Variants in COL24A1 observed in about 807,000 individuals in gnomAD.
The protein encoded by COL24A1 is collagen alpha-1(XXIV) chain.
In COL24A1, 224 loss-of-function variants were observed where a neutral mutation model predicts 253.9. That is an observed-to-expected ratio of 0.88 (90% CI 0.79 to 0.99). COL24A1 has a LOEUF of 0.99. Ranked by LOEUF, COL24A1 falls within the 50% of genes least tolerant of loss-of-function variation. The probability of loss-of-function intolerance (pLI) is 0.00; values close to 1 mark genes in which losing one functional copy is unlikely to be tolerated. For synonymous variants in COL24A1, 685 were observed against 673.7 expected (o/e 1.02, Z -0.26); for missense variants, 2,131 against 2,068.5 (o/e 1.03, Z -0.59).
intron 59 of COL24A1, among the ~76,000 whole-genome samples, chr1:85,732,847 A>C (rs1314097830): frequency 1.3e-5 from 2 of 152,204 alleles, no homozygotes; most frequent in Non-Finnish European, 2.9e-5. Flanking sequence ...TAAAACTCCC[A>C]ATAAATAGTA....
At chr1:85,963,152 T>C (rs1208802992) in intron 23 of COL24A1, among the ~76,000 whole-genome samples, 3 of 152,176 alleles carry the variant, frequency 2.0e-5, no homozygotes, top group Non-Finnish European at 2.9e-5. Context: ...TTTTAAGCAC[T>C]GAAACCTAAT....
At chr1:86,093,943 C>T (rs1325142528) in intron 5 of COL24A1, among the ~76,000 whole-genome samples, 2 of 151,998 alleles carry the variant, frequency 1.3e-5, no homozygotes, top group East Asian at 1.9e-4. Context: ...AATGAGATAC[C>T]GTCTCACAAC....
In COL24A1 at chr1:85,993,233, A is replaced by G. The variant is rs1694454428; in HGVS notation, c.2311-5579T>C. Among the ~76,000 whole-genome samples, 5 of 152,158 alleles carry G rather than the reference A, an allele frequency of 3.3e-5. No individual in the cohort carries two copies. The South Asian group carries it at 1.0e-3, about 31-fold the overall frequency. On this transcript the variant is annotated intron_variant, in intron 19 of 59. Transcript: ENST00000370571. ...CAGAATACATTATATTATGCGCTACATACATTGAGCACTTTAATAGTTTTC... is the reference window on the plus strand; with the variant it reads ...CAGAATACATTATATTATGCGCTACGTACATTGAGCACTTTAATAGTTTTC...
chr1:86,140,069 TC>T (rs1650849125), intron 2 of COL24A1, among the ~76,000 whole-genome samples: 1 of 152,220 alleles, frequency 6.6e-6, no homozygotes, highest in Admixed American at 6.5e-5. Context: ...TCTGGAGTAT[TC>T]CCCTTCTTCT....
At chr1:86,057,869 T>C (rs1700775263) in intron 10 of COL24A1, 62 bp downstream of exon 10, 4 of 1,441,046 alleles carry the variant, frequency 2.8e-6, no homozygotes, top group Non-Finnish European at 3.9e-6. Context: ...CTAAGTGTTT[T>C]ATATATTTCA....
chr1:85,926,796 C>G (rs544102911), intron 24 of COL24A1, among the ~76,000 whole-genome samples: 16 of 151,446 alleles, frequency 1.1e-4, no homozygotes, highest in Admixed American at 9.2e-4. Flanking sequence ...TGCACATGTA[C>G]CCTAGAACTT....
chr1:85,963,704 C>T (rs538433697), intron 23 of COL24A1, among the ~76,000 whole-genome samples: 1 of 152,158 alleles, frequency 6.6e-6, no homozygotes, highest in Non-Finnish European at 1.5e-5. Flanking sequence ...GAGGAATGAA[C>T]ATTACAAAAT....
chr1:85,743,617 TAG>T (rs1370308915), intron 57 of COL24A1, among the ~76,000 whole-genome samples: 1 of 152,152 alleles, frequency 6.6e-6, no homozygotes, highest in East Asian at 1.9e-4. Context: ...ATAAGGAAGG[TAG>T]ACTTTGAATT....
intron 19 of COL24A1, among the ~76,000 whole-genome samples, chr1:85,988,888 A>G (rs1232245111): frequency 6.6e-6 from 1 of 152,176 alleles, no homozygotes; most frequent in Non-Finnish European, 1.5e-5. Context: ...TTTCTGGCAA[A>G]AGAAAAAGCA....
chr1:85,790,053 T>C (rs1322629725), intron 47 of COL24A1, among the ~76,000 whole-genome samples: 1 of 152,230 alleles, frequency 6.6e-6, no homozygotes, highest in Non-Finnish European at 1.5e-5. Flanking sequence ...ATCAGGATGA[T>C]GCTGGCCTCA....
chr1:85,981,114 T>C (rs763012817), intron 20 of COL24A1, among the ~76,000 whole-genome samples: 32 of 152,128 alleles, frequency 2.1e-4, no homozygotes, highest in Non-Finnish European at 4.6e-4. Context: ...CTCATCAAAA[T>C]ACCATCATCA....
chr1:85,991,764 G>C (rs1314841294), intron 19 of COL24A1, among the ~76,000 whole-genome samples: 1 of 152,018 alleles, frequency 6.6e-6, no homozygotes, highest in Non-Finnish European at 1.5e-5. Flanking sequence ...AGAAAAAGAT[G>C]TCAACACAGC....
chr1:85,998,684 G>T (rs1695103383), intron 19 of COL24A1, among the ~76,000 whole-genome samples: 1 of 152,114 alleles, frequency 6.6e-6, no homozygotes, highest in South Asian at 2.1e-4. Flanking sequence ...GAAGCAAAGG[G>T]CAGGAAGGAA....
chr1:85,942,951 A>G (rs896938655), intron 24 of COL24A1, among the ~76,000 whole-genome samples: 1 of 152,162 alleles, frequency 6.6e-6, no homozygotes, highest in Non-Finnish European at 1.5e-5. Flanking sequence ...GTAAAGCATT[A>G]CTTTGGGTGT....
chr1:86,063,355 C>CTGTG (rs1210005367), intron 8 of COL24A1, among the ~76,000 whole-genome samples: 32 of 129,370 alleles, frequency 2.5e-4, no homozygotes, highest in Middle Eastern at 8.8e-3. Context: ...TTAAGTCTCT[C>CTGTG]TCTCTGTGTG....
At chr1:85,847,588 G>T (rs1677265105) in intron 39 of COL24A1, 77 bp downstream of exon 39, 4 of 970,516 alleles carry the variant, frequency 4.1e-6, no homozygotes, top group Non-Finnish European at 4.9e-6. Flanking sequence ...CTAATCAAGG[G>T]ATGAAACTTT....
At chr1:85,812,171 T>C (rs1425132151) in intron 47 of COL24A1, among the ~76,000 whole-genome samples, 1 of 152,226 alleles carries the variant, frequency 6.6e-6, no homozygotes, top group African/African-American at 2.4e-5. Flanking sequence ...ATTGAATGTA[T>C]ACCGCAGCAC....
At chr1:85,985,778 T>C (rs1208168792) in intron 20 of COL24A1, among the ~76,000 whole-genome samples, 1 of 151,734 alleles carries the variant, frequency 6.6e-6, no homozygotes, top group African/African-American at 2.4e-5. Flanking sequence ...GCAAAACATA[T>C]GCAGAACTTG....
intron 2 of COL24A1, among the ~76,000 whole-genome samples, chr1:86,126,633 T>C (rs1648352661): frequency 6.6e-6 from 1 of 151,900 alleles, no homozygotes; most frequent in Non-Finnish European, 1.5e-5. Flanking sequence ...CCATCATACC[T>C]GGCTAATTTT....
Sources: gnomAD v4.1 joint callset for allele counts (sites outside exome capture counted in the v4.1 genomes callset) on GRCh38, gnomAD v4.1.1 for gene constraint, MANE v1.5 for transcripts, NCBI Gene and HGNC (gene_info 2026-07-23, HGNC 2026-07-21) for gene names.